SNX19: variants seen among roughly 807,000 people sequenced by gnomAD.
The protein encoded by SNX19 is sorting nexin-19.
A neutral mutation model predicts 85.2 loss-of-function variants in SNX19; 60 were observed. That is an observed-to-expected ratio of 0.70 (90% CI 0.57 to 0.87). SNX19 has a LOEUF of 0.87. SNX19 is among the 40% of genes least tolerant of loss of function. The pLI is 0.00. For synonymous variants in SNX19, 520 were observed against 470.0 expected (o/e 1.11, Z -1.38); for missense variants, 1,201 against 1,217.8 (o/e 0.99, Z 0.21).
rs1246303205 is a variant in SNX19, at chr11:130,872,189, A to G, written c.*6233T>C. 2.0e-5 allele frequency among the ~76,000 whole-genome samples: 3 copies of G among 152,166 alleles called. No individual in the cohort carries two copies. The highest frequency in any genetic ancestry group is 4.4e-5 in the Non-Finnish European group (3 of 68,022). ...GGAGTAATTCTCTGCATCCTGTCAC[A>G]TGCTTGTTTCTGCCTCCAAGAAAGC... On this transcript the variant is annotated 3_prime_UTR_variant, in exon 11 of 11. Coordinates refer to ENST00000265909, the MANE Select transcript of SNX19 (RefSeq NM_014758.3).
At chr11:130,902,280 T>G (rs1310291015) in intron 8 of SNX19, among the ~76,000 whole-genome samples, 1 of 152,240 alleles carries the variant, frequency 6.6e-6, no homozygotes, top group Non-Finnish European at 1.5e-5. Flanking sequence ...CAAATATAGA[T>G]GTGCATCATC....
At chr11:130,905,540 G>T in intron 7 of SNX19, 1 of 722,406 alleles carries the variant, frequency 1.4e-6, no homozygotes, top group Non-Finnish European at 2.1e-6. Context: ...TCAAGCTCTG[G>T]CAGGTGGATC....
intron 8 of SNX19, 169 bp downstream of exon 8, chr11:130,903,086 G>A: frequency 1.2e-6 from 1 of 824,282 alleles, no homozygotes; most frequent in Non-Finnish European, 1.9e-6. Context: ...CAACAAGGTA[G>A]TCAATAAAAG....
chr11:130,915,626 G>C lies in SNX19; in HGVS notation c.314C>G (p.Thr105Ser), dbSNP rs1946517237. 1 of 1,614,242 alleles carries C rather than the reference G, an allele frequency of 6.2e-7. No individual in the cohort carries two copies. Among genetic ancestry groups the C allele is most frequent in the Non-Finnish European group, 8.5e-7 (1 of 1,180,050 alleles). ...ERQLEREINR[T>S]IQMIIRDFVL... Reference sequence around the variant, plus strand: ...AAAATCTCGAATAATCATCTGGATGGTGCGGTTGATCTCCCGTTCCAGCTG... The same window carrying C: ...AAAATCTCGAATAATCATCTGGATGCTGCGGTTGATCTCCCGTTCCAGCTG... Residue 105 changes from threonine to serine, a missense_variant, in exon 1 of 11, where the codon ACC (threonine) becomes AGC (serine). By Grantham distance (58) the Thr-to-Ser change is moderately conservative. Coordinates refer to ENST00000265909, the MANE Select transcript of SNX19 (RefSeq NM_014758.3).
intron 10 of SNX19, among the ~76,000 whole-genome samples, chr11:130,879,406 T>C (rs1447046970): frequency 6.6e-6 from 1 of 152,154 alleles, no homozygotes; most frequent in African/African-American, 2.4e-5. Flanking sequence ...CAAGAGTGAT[T>C]TCCTAGCACA....
intron 8 of SNX19, among the ~76,000 whole-genome samples, chr11:130,889,340 GTTCA>G (rs1944327169): frequency 6.6e-6 from 1 of 151,904 alleles, no homozygotes; most frequent in Admixed American, 6.6e-5. Context: ...TGTTTAATTT[GTTCA>G]TTCATTTACT....
chr11:130,903,151 C>T, intron 8 of SNX19, 104 bp downstream of exon 8: 1 of 1,504,794 alleles, frequency 6.6e-7, no homozygotes, highest in Non-Finnish European at 9.1e-7. Flanking sequence ...AACAGAGAAT[C>T]TATCTTCTCT....
Position 130,879,699 on chromosome 11 carries a change from TCTA to T in SNX19, c.2768_2770del (p.Val923del), listed in dbSNP as rs1943521622. 6.2e-7 allele frequency: 1 copy of T among 1,613,736 alleles called. No individual in the cohort carries two copies. The highest frequency in any genetic ancestry group is 1.7e-5 in the Admixed American group (1 of 59,982). On this transcript the variant is annotated inframe_deletion, in exon 10 of 11. Coordinates refer to ENST00000265909, the MANE Select transcript of SNX19 (RefSeq NM_014758.3). ...CCGGCATTTGTTCACCCCAAGAATT[TCTA>T]CTACGAGATCTGAGGAGGAAAAAAC...
At chr11:130,894,900 C>T in intron 8 of SNX19, 1 of 985,390 alleles carries the variant, frequency 1.0e-6, no homozygotes, top group South Asian at 4.7e-5. Flanking sequence ...TATCTCTTAT[C>T]CCCCCAAAGA....
At position 130,888,750 on chromosome 11, in the gene SNX19, T is replaced by G. The variant is rs116742486; in HGVS notation, c.2574-7944A>C. Among the ~76,000 whole-genome samples the G allele has an allele frequency of 4.1e-3, 625 of 152,342 alleles. 7 individuals carry two copies. Among genetic ancestry groups the G allele is most frequent in the African/African-American group, 0.014 (601 of 41,582 alleles). ...AAATGGCAATGTTTCTTAATGACCT[T>G]AGGTCTTTAATGTTAAATATAAATT... On this transcript the variant is annotated intron_variant, in intron 8 of 10. Coordinates refer to ENST00000265909, the MANE Select transcript of SNX19 (RefSeq NM_014758.3).
intron 8 of SNX19, among the ~76,000 whole-genome samples, chr11:130,902,261 A>G (rs1945309533): frequency 6.6e-6 from 1 of 152,250 alleles, no homozygotes; most frequent in African/African-American, 2.4e-5. Flanking sequence ...GGCATAGATA[A>G]GCGCTTAGCA....
intron 8 of SNX19, among the ~76,000 whole-genome samples, chr11:130,889,991 T>C (rs887634251): frequency 2.4e-4 from 36 of 152,188 alleles, no homozygotes; most frequent in Admixed American, 8.5e-4. Context: ...TTATTAGAGA[T>C]ACAGTACAGG....
chr11:130,880,941 TG>T, intron 8 of SNX19, 135 bp from the exon 9 acceptor site: 1 of 631,162 alleles, frequency 1.6e-6, no homozygotes, highest in Non-Finnish European at 2.6e-6. Flanking sequence ...CAGTAGGAGG[TG>T]GGGCCTTTGG....
At chr11:130,893,347 T>G (rs1944633217) in intron 8 of SNX19, among the ~76,000 whole-genome samples, 1 of 152,076 alleles carries the variant, frequency 6.6e-6, no homozygotes, top group Non-Finnish European at 1.5e-5. Flanking sequence ...GACTTCAAAT[T>G]ATGCTGTGAA....
chr11:130,879,534 T>A, intron 10 of SNX19, 90 bp downstream of exon 10: 1 of 1,090,932 alleles, frequency 9.2e-7, no homozygotes, highest in East Asian at 2.5e-5. Context: ...TTCTTTGGAA[T>A]GTGGGCTTTT....
At position 130,914,773 on chromosome 11, in the gene SNX19, A is replaced by G. The variant is rs770403302; in HGVS notation, c.1167T>C (p.Thr389=). 6.2e-7 allele frequency: 1 copy of G among 1,614,212 alleles called. No homozygotes were observed. Among genetic ancestry groups the G allele is most frequent in the Non-Finnish European group, 8.5e-7 (1 of 1,180,034 alleles). ...TCCTGTCAGAGAGAAAGCTGCCTGG[A>G]GTCATGAGCATGATGGTTTCTTTGC... The part of the protein sequence containing the change: ...ELGKETIMLM[T]PGSFLSDRIQ... The change falls in exon 1 of 11, where the codon ACT becomes ACC. Residue 389 remains threonine, a synonymous_variant. Coordinates refer to ENST00000265909, the MANE Select transcript of SNX19 (RefSeq NM_014758.3).
chr11:130,903,749 ACG>A (rs1421427257), intron 7 of SNX19, among the ~76,000 whole-genome samples: 21 of 142,222 alleles, frequency 1.5e-4, no homozygotes, highest in South Asian at 7.1e-4. Flanking sequence ...ACACACACAC[ACG>A]CACTTATTTT....
Position 130,870,825 on chromosome 11 carries a change from TGG to T in SNX19, c.*7595_*7596del, listed in dbSNP as rs5795702. 8.3e-3 allele frequency among the ~76,000 whole-genome samples: 1,234 copies of T among 148,404 alleles called. 20 individuals carry two copies. The highest frequency in any genetic ancestry group is 0.028 in the African/African-American group (1,146 of 40,402). On this transcript the variant is annotated 3_prime_UTR_variant, in exon 11 of 11. Coordinates refer to ENST00000265909, the MANE Select transcript of SNX19 (RefSeq NM_014758.3). ...CATGCACTAGGTATATACATATAGT[TGG>T]GGGGGGGGCATAAGGACATAATAGG...
At position 130,869,898 on chromosome 11, in the gene SNX19, G is replaced by A. The variant is rs1166496659; in HGVS notation, c.*8524C>T. The stretch of plus-strand genomic sequence containing the variant: ...AGCCAAGTCACCCACAAAGACTGAT[G>A]AGCTGATATAGAAAAAAAAAAAGGA... On this transcript the variant is annotated 3_prime_UTR_variant, in exon 11 of 11. Transcript: ENST00000265909. 1 of 148,182 alleles carries A rather than the reference G, an allele frequency of 6.7e-6. No individual in the cohort carries two copies. The highest frequency in any genetic ancestry group is 1.5e-5 in the Non-Finnish European group (1 of 67,776). 9.2% of individuals were successfully genotyped at this position (148,182 alleles called of 1,614,324 possible).
Sources: allele counts gnomAD v4.1 joint callset (sites outside exome capture counted in the v4.1 genomes callset), GRCh38; gene constraint gnomAD v4.1.1; transcripts MANE v1.5; gene names NCBI Gene and HGNC (gene_info 2026-07-23, HGNC 2026-07-21).